GLYATL2: variants seen among roughly 807,000 people sequenced by gnomAD.
GLYATL2 encodes glycine N-acyltransferase-like protein 2.
GLYATL2 carries 25 observed loss-of-function variants against 21.4 expected under a neutral mutation model. The observed-to-expected ratio is 1.17, with a 90% CI of 0.85 to 1.63. The LOEUF is 1.63. Among genes scored for constraint, GLYATL2 ranks in the 40% most tolerant of loss-of-function variants. GLYATL2 has a pLI of 0.00. For synonymous variants in GLYATL2, 114 were observed against 118.2 expected, an observed-to-expected ratio of 0.96 and a Z score of 0.23; for missense variants, 361 against 343.3, an observed-to-expected ratio of 1.05 and a Z score of -0.41.
At position 58,839,535 on chromosome 11, in the gene GLYATL2, C is replaced by A; in HGVS notation, c.78G>T (p.Lys26Asn). 6.2e-7 allele frequency: 1 copy of A among 1,601,368 alleles called. No individual in the cohort carries two copies. Among genetic ancestry groups the A allele is most frequent in the Non-Finnish European group, 8.5e-7 (1 of 1,169,996 alleles). Residue 26 changes from lysine (K) to asparagine (N), a missense_variant and splice_region_variant, in exon 2 of 6, where the codon AAG becomes AAT. Transcript: ENST00000287275. ...CTTTGATCTCCTCCTACTCCGTTAC[C>A]TTTATGGATTCAGGGATGCTCTTTT... The part of the protein sequence containing the change: ...SLEKSIPESI[K>N]VYGAIFNIKD...
At chr11:58,867,744 A>C (rs566019600) in intron 1 of GLYATL2, among the ~76,000 whole-genome samples, 1 of 149,138 alleles carries the variant, frequency 6.7e-6, no homozygotes, top group East Asian at 2.2e-4. Flanking sequence ...GACTGATATC[A>C]AAACTGAGCT....
At chr11:58,897,345 G>A (rs1854651871) in intron 1 of GLYATL2, among the ~76,000 whole-genome samples, 1 of 152,136 alleles carries the variant, frequency 6.6e-6, no homozygotes, top group South Asian at 2.1e-4. Context: ...CATGAGAAGG[G>A]TAACCTGCAT....
intron 1 of GLYATL2, among the ~76,000 whole-genome samples, chr11:58,887,207 AC>A (rs1854457801): frequency 6.6e-6 from 1 of 152,354 alleles, no homozygotes; most frequent in South Asian, 2.1e-4. Flanking sequence ...TAGTCAATAA[AC>A]AAAAATATGA....
intron 1 of GLYATL2, among the ~76,000 whole-genome samples, chr11:58,858,896 T>TC (rs1315983324): frequency 1.3e-5 from 2 of 152,194 alleles, no homozygotes; most frequent in Non-Finnish European, 2.9e-5. Context: ...CATCACTGTC[T>TC]CCCCTTATCC....
chr11:58,834,678 G>A lies in GLYATL2; in HGVS notation c.636C>T (p.Val212=), dbSNP rs772440064. The A allele has an allele frequency of 1.4e-5, 22 of 1,613,368 alleles. No homozygotes were observed. Among genetic ancestry groups the A allele is most frequent in the East Asian group, 2.2e-5 (1 of 44,896 alleles). ...FGVLGPEGQL[V]SWIVMEQSCE... ...AGGACTGTTCCATCACAATCCAAGAGACAAGCTGGCCCTCTGGACCCAGCA... is the reference window on the plus strand; with the variant it reads ...AGGACTGTTCCATCACAATCCAAGAAACAAGCTGGCCCTCTGGACCCAGCA... Residue 212 remains valine, a synonymous_variant, in exon 6 of 6, where the codon GTC becomes GTT. Transcript: ENST00000287275.
chr11:58,869,579 A>G (rs892028606), intron 1 of GLYATL2, among the ~76,000 whole-genome samples: 3 of 152,174 alleles, frequency 2.0e-5, no homozygotes, highest in Non-Finnish European at 4.4e-5. Context: ...GTTAAAAGCT[A>G]TTGGATCTTT....
chr11:58,875,946 T>C (rs1854223066), intron 1 of GLYATL2, among the ~76,000 whole-genome samples: 1 of 152,238 alleles, frequency 6.6e-6, no homozygotes, highest in African/African-American at 2.4e-5. Context: ...GTAGGTTTGG[T>C]CTTTTCACAT....
In GLYATL2 at chr11:58,862,575, C is replaced by T. The variant is rs193222504; in HGVS notation, n.61-24207G>A. Among the ~76,000 whole-genome samples the T allele has an allele frequency of 5.1e-3, 779 of 152,240 alleles. 5 individuals are homozygous for T. The highest frequency in any genetic ancestry group is 0.018 in the African/African-American group (741 of 41,554). On this transcript the variant is annotated intron_variant and non_coding_transcript_variant, in intron 1 of 4. Transcript: ENST00000533636. ...GAGCTCATTGATTCTTTATTCTAGT[C>T]GATCAAATCTGCTTTCAAAGAACTC... is the stretch of plus-strand genomic sequence containing the variant.
chr11:58,885,354 G>A (rs1342438572), intron 1 of GLYATL2: 3 of 310,896 alleles, frequency 9.6e-6, no homozygotes, highest in East Asian at 8.0e-5. Flanking sequence ...TTTGACCTCC[G>A]TTTTTCTCTT....
intron 1 of GLYATL2, among the ~76,000 whole-genome samples, chr11:58,852,085 C>T (rs1026274241): frequency 1.4e-4 from 22 of 152,142 alleles, no homozygotes; most frequent in African/African-American, 4.6e-4. Context: ...TGATAATTTG[C>T]TTAAAGTCTT....
upstream of GLYATL2, among the ~76,000 whole-genome samples, chr11:58,906,063 A>T (rs1026237353): frequency 1.3e-5 from 2 of 152,150 alleles, no homozygotes; most frequent in African/African-American, 4.8e-5. Context: ...GCGAATCGGG[A>T]GCAGCGGGCA....
chr11:58,856,034 G>C (rs140353694), intron 1 of GLYATL2, among the ~76,000 whole-genome samples: 1 of 152,132 alleles, frequency 6.6e-6, no homozygotes, highest in Non-Finnish European at 1.5e-5. Flanking sequence ...AGGAGGCTGA[G>C]GGAGGAGAAT....
At chr11:58,889,235 T>C (rs1220630777) in intron 1 of GLYATL2, among the ~76,000 whole-genome samples, 1 of 152,078 alleles carries the variant, frequency 6.6e-6, no homozygotes, top group Admixed American at 6.5e-5. Context: ...TATGTCACAC[T>C]GTTCTTTAAA....
At chr11:58,882,838 A>T (rs1179242269) in intron 1 of GLYATL2, among the ~76,000 whole-genome samples, 1 of 151,880 alleles carries the variant, frequency 6.6e-6, no homozygotes, top group Non-Finnish European at 1.5e-5. Context: ...TTAAATAGGG[A>T]TTCCTTTAGG....
upstream of GLYATL2, among the ~76,000 whole-genome samples, chr11:58,849,183 A>C (rs1853695213): frequency 6.6e-6 from 1 of 152,238 alleles, no homozygotes. Flanking sequence ...AGAAATGCTA[A>C]AGAAAGAACA....
At chr11:58,858,196 A>T (rs1392185851) in intron 1 of GLYATL2, among the ~76,000 whole-genome samples, 1 of 152,062 alleles carries the variant, frequency 6.6e-6, no homozygotes, top group African/African-American at 2.4e-5. Context: ...GGGGAAAAAA[A>T]CTCCACAAAG....
chr11:58,889,174 T>C (rs1185016233), intron 1 of GLYATL2, among the ~76,000 whole-genome samples: 1 of 152,058 alleles, frequency 6.6e-6, no homozygotes, highest in Non-Finnish European at 1.5e-5. Flanking sequence ...TTTCTATTTC[T>C]GAGCATTATT....
At chr11:58,872,893 G>A (rs927605164) in intron 1 of GLYATL2, among the ~76,000 whole-genome samples, 6 of 152,280 alleles carry the variant, frequency 3.9e-5, no homozygotes, top group Admixed American at 3.3e-4. Context: ...CCATTTTCAC[G>A]ATATTGATTG....
chr11:58,879,350 C>T (rs775138807), intron 1 of GLYATL2, among the ~76,000 whole-genome samples: 93 of 152,122 alleles, frequency 6.1e-4, no homozygotes, highest in Non-Finnish European at 1.2e-3. Flanking sequence ...GATATATACA[C>T]GTTATATATT....
Sources: allele counts gnomAD v4.1 joint callset (sites outside exome capture counted in the v4.1 genomes callset), GRCh38; gene constraint gnomAD v4.1.1; transcripts MANE v1.5; gene names NCBI Gene and HGNC (gene_info 2026-07-23, HGNC 2026-07-21).